CROCC2: variants seen among roughly 807,000 people sequenced by gnomAD.
The protein encoded by CROCC2 is ciliary rootlet coiled-coil protein 2.
CROCC2 carries 163 observed loss-of-function variants against 177.6 expected under a neutral mutation model. That is an observed-to-expected ratio of 0.92 (90% CI 0.81 to 1.05). The LOEUF is 1.05. Ranked by LOEUF, CROCC2 falls within the 50% of genes least tolerant of loss-of-function variation. CROCC2 has a pLI of 0.00. For synonymous variants in CROCC2, 904 were observed against 787.3 expected, an observed-to-expected ratio of 1.15 and a Z score of -2.48; for missense variants, 1,929 against 1,797.8, an observed-to-expected ratio of 1.07 and a Z score of -1.32.
chr2:240,950,486 C>G lies in CROCC2; in HGVS notation c.2805C>G (p.Leu935=). Residue 935 remains leucine (L), a synonymous_variant, in exon 18 of 32, where the codon CTC becomes CTG. Transcript: ENST00000690015. Reference sequence around the variant, plus strand: ...AGCAGGAGCGGGACGAGAGCCTTCTCCAACTGGAGCACAAGATGCAACAGG... The same window carrying G: ...AGCAGGAGCGGGACGAGAGCCTTCTGCAACTGGAGCACAAGATGCAACAGG... ...SLKQERDESL[L]QLEHKMQQAL... is the part of the protein sequence containing the mutation. The G allele has an allele frequency of 6.5e-7, 1 of 1,549,886 alleles. No individual in the cohort carries two copies. The highest frequency in any genetic ancestry group is 8.7e-7 in the Non-Finnish European group (1 of 1,146,612).
chr2:240,913,531 C>A (rs1433070947), intron 1 of CROCC2, among the ~76,000 whole-genome samples: 1 of 152,240 alleles, frequency 6.6e-6, no homozygotes. Context: ...GTGTGCCAAG[C>A]ATTGTGTTGG....
At chr2:240,987,170 G>C (rs530487029) in intron 28 of CROCC2, among the ~76,000 whole-genome samples, 1 of 152,296 alleles carries the variant, frequency 6.6e-6, no homozygotes, top group South Asian at 2.1e-4. Context: ...AGGAGCAGGG[G>C]GCTTGCATCA....
At chr2:240,964,677 G>A in intron 22 of CROCC2, 52 bp downstream of exon 22, 2 of 1,524,194 alleles carry the variant, frequency 1.3e-6, no homozygotes, top group Non-Finnish European at 1.8e-6. Context: ...CCCGCCTGGT[G>A]GGTCCCGGCT....
intron 6 of CROCC2, 27 bp from the exon 7 acceptor site, chr2:240,930,904 G>A (rs570929835): frequency 4.8e-5 from 33 of 689,428 alleles, no homozygotes; most frequent in South Asian, 2.7e-4. Flanking sequence ...TCCTGAGTCC[G>A]CCACAGATGC....
intron 1 of CROCC2, among the ~76,000 whole-genome samples, chr2:240,915,737 C>T (rs1202464946): frequency 6.6e-6 from 1 of 152,114 alleles, no homozygotes; most frequent in East Asian, 1.9e-4. Flanking sequence ...CCCCTCAGGG[C>T]CAGGATCGGG....
chr2:240,974,098 G>A (rs187484448), intron 27 of CROCC2, among the ~76,000 whole-genome samples: 71 of 152,232 alleles, frequency 4.7e-4, no homozygotes, highest in African/African-American at 1.6e-3. Context: ...CATCATCTTC[G>A]TTATATACAT....
chr2:240,937,118 T>C (rs2059475790), intron 14 of CROCC2, among the ~76,000 whole-genome samples: 1 of 152,260 alleles, frequency 6.6e-6, no homozygotes, highest in African/African-American at 2.4e-5. Context: ...ATCACTTTGC[T>C]GCAGCCAGCA....
At position 240,983,003 on chromosome 2, in the gene CROCC2, G is replaced by C; in HGVS notation, c.4525G>C (p.Glu1509Gln). 1 of 1,550,482 alleles carries C rather than the reference G, an allele frequency of 6.4e-7. No homozygotes were observed. The highest frequency in any genetic ancestry group is 8.7e-7 in the Non-Finnish European group (1 of 1,146,978). Reference protein sequence around the residue: ...TNLEHRCQKAEVSLEPLRQME... With the variant: ...TNLEHRCQKAQVSLEPLRQME... ...CTTGGAGCACAGGTGCCAGAAGGCT[G>C]AGGTATCGCTGGAGCCCCTGCGACA... is the stretch of plus-strand genomic sequence containing the variant. The change falls in exon 28 of 32, where the codon GAG becomes CAG. Residue 1509 changes from glutamate (E) to glutamine (Q), a missense_variant. Around this residue, in one of 3 missense-constraint regions of CROCC2, gnomAD observed 388 missense variants for 352.7 expected, o/e 1.10. Transcript: ENST00000690015.
rs1057245446 is a variant in CROCC2, at chr2:240,935,324, G to C, written c.1939-34G>C. 2.7e-5 allele frequency: 36 copies of C among 1,334,572 alleles called. No homozygotes were observed. In the African/African-American group the frequency reaches 5.4e-4, roughly 20 times the overall value. 82.7% of individuals were successfully genotyped at this position (1,334,572 alleles called of 1,614,324 possible). On this transcript the variant is annotated intron_variant, in intron 13 of 31. Transcript: ENST00000690015. ...GGCCTACAGGGACCGAGGATGGGGG[G>C]AGTGGATGCAGAGCCCCCGACACCT...
rs77268146 is a variant in CROCC2 at position 240,972,760 on chromosome 2, C to T, written c.4401+4498C>T. On this transcript the variant is annotated intron_variant, in intron 27 of 31. Transcript: ENST00000690015. This position sits in a 1 kb window ranked among gnomAD's most constrained non-coding sequence, Gnocchi z 7.1. The stretch of plus-strand genomic sequence containing the variant: ...TCACCCATTTTTAGGCCAAGTTGGT[C>T]TCATCTGCCCTCGGGAGTCCTCCAA... 5.8e-3 allele frequency among the ~76,000 whole-genome samples: 887 copies of T among 152,144 alleles called. 10 individuals carry two copies. Among genetic ancestry groups the T allele is most frequent in the East Asian group, 0.054 (282 of 5,176 alleles).
intron 18 of CROCC2, chr2:240,955,242 C>T (rs1365763867): frequency 1.3e-5 from 2 of 152,180 alleles, no homozygotes; most frequent in African/African-American, 4.8e-5. Context: ...ATGTCACAGA[C>T]ATTGGTGACA....
chr2:240,985,956 G>A (rs2059838362), intron 28 of CROCC2: 2 of 456,520 alleles, frequency 4.4e-6, no homozygotes, highest in African/African-American at 2.0e-5. Flanking sequence ...GCCTCACACC[G>A]ATCCCTCTTT....
chr2:240,940,508 G>C (rs2059489736), intron 14 of CROCC2, among the ~76,000 whole-genome samples: 1 of 152,024 alleles, frequency 6.6e-6, no homozygotes, highest in South Asian at 2.1e-4. Flanking sequence ...ATGATCAAGT[G>C]GGTTTCATAC....
rs1000752191 is a variant in CROCC2, at chr2:240,949,478, AG to A, written c.2483-52del. 122 of 1,529,980 alleles carry A rather than the reference AG, an allele frequency of 8.0e-5. No homozygotes were observed. Among genetic ancestry groups the A allele is most frequent in the Non-Finnish European group, 1.0e-4 (113 of 1,131,472 alleles). The allele number at this position is 1,529,980 out of a possible 1,614,324, so 94.8% of individuals were successfully genotyped here. A position where few individuals can be genotyped will look rare whatever the true frequency, so the allele number is the denominator to read the frequency against. On this transcript the variant is annotated intron_variant, in intron 16 of 31. Transcript: ENST00000690015. The surrounding 1 kb of genome is among the most constrained non-coding windows in gnomAD (Gnocchi z 4.5). Reference sequence around the variant, plus strand: ...ACTGTCACTCCCTAGGAAGTCCCAAAGGGTTCAGGGGTCCACATGCCAGGCC... The same window carrying A: ...ACTGTCACTCCCTAGGAAGTCCCAAAGGTTCAGGGGTCCACATGCCAGGCC...
At chr2:240,952,162 A>G (rs1415767181) in intron 18 of CROCC2, among the ~76,000 whole-genome samples, 3 of 152,102 alleles carry the variant, frequency 2.0e-5, no homozygotes, top group African/African-American at 7.2e-5. Flanking sequence ...CCTGGCCAAC[A>G]TAGTGAAACC....
chr2:240,961,387 C>T (rs2059632212), intron 20 of CROCC2, among the ~76,000 whole-genome samples: 1 of 151,898 alleles, frequency 6.6e-6, no homozygotes, highest in South Asian at 2.1e-4. Context: ...CCACACAGTG[C>T]ACACAGGCGT....
At position 240,964,580 on chromosome 2, in the gene CROCC2, G is replaced by C; in HGVS notation, c.3420G>C (p.Gln1140His). ...ALRAHLWELE[Q>H]AGGDARQELR... Reference sequence around the variant, plus strand: ...GGGCCCACCTGTGGGAGCTGGAGCAGGCAGGGGGGGACGCCCGTCAGGAGC... The same window carrying C: ...GGGCCCACCTGTGGGAGCTGGAGCACGCAGGGGGGGACGCCCGTCAGGAGC... The change falls in exon 22 of 32, where the codon CAG (glutamine) becomes CAC (histidine). Residue 1140 changes from glutamine to histidine, a missense_variant. Gln to His is a conservative substitution (Grantham distance 24, BLOSUM62 0). This residue lies in a region of CROCC2 where 1,397 missense variants were observed against 1,239.9 expected (regional missense o/e 1.13). Coordinates refer to ENST00000690015, the MANE Select transcript of CROCC2 (RefSeq NM_001351305.2). The C allele has an allele frequency of 6.5e-7, 1 of 1,549,712 alleles. No individual in the cohort carries two copies.
At chr2:240,923,523 GC>G (rs1323104011) in intron 4 of CROCC2, among the ~76,000 whole-genome samples, 9 of 45,904 alleles carry the variant, frequency 2.0e-4, no homozygotes, top group African/African-American at 7.1e-4. Flanking sequence ...CACTAACCCA[GC>G]CCCCCACACT....
chr2:240,955,274 C>G (rs1213600992), intron 18 of CROCC2: 1 of 152,590 alleles, frequency 6.6e-6, no homozygotes, highest in Non-Finnish European at 1.5e-5. Context: ...TCAGCCCACA[C>G]AGGTGCACAC....
Sources: allele counts gnomAD v4.1 joint callset (sites outside exome capture counted in the v4.1 genomes callset), GRCh38; gene constraint gnomAD v4.1.1; regional missense constraint gnomAD v4.1.1; non-coding constraint Gnocchi (gnomAD v3.1); transcripts MANE v1.5; gene names NCBI Gene and HGNC (gene_info 2026-07-23, HGNC 2026-07-21).